RETREG1: variants seen among roughly 807,000 people sequenced by gnomAD.
The protein encoded by RETREG1 is reticulophagy regulator 1.
In RETREG1, 44 loss-of-function variants were observed where a neutral mutation model predicts 54.8. The observed-to-expected ratio is 0.80, with a 90% CI of 0.63 to 1.03. The LOEUF (loss-of-function observed/expected upper bound fraction) is 1.03. Among genes scored for constraint, RETREG1 ranks in the 50% least tolerant of loss-of-function variants. The pLI is 0.00. For missense variants in RETREG1, 554 were observed against 605.1 expected, an observed-to-expected ratio of 0.92 and a Z score of 0.89; for synonymous variants, 217 against 238.5, an observed-to-expected ratio of 0.91 and a Z score of 0.83.
chr5:16,509,014 C>T (rs1036216490), intron 3 of RETREG1: 38 of 1,003,766 alleles, frequency 3.8e-5, no homozygotes, highest in Admixed American at 5.8e-5. Context: ...CACCTAGGCC[C>T]GCCTGCCCTT....
chr5:16,508,818 C>A (rs1200215064), intron 3 of RETREG1: 1 of 1,442,554 alleles, frequency 6.9e-7, no homozygotes, highest in East Asian at 2.5e-5. Flanking sequence ...AAGCGCCTGC[C>A]TCCCTTGAAT....
rs1395114743 is a variant in RETREG1 at position 16,561,633 on chromosome 5, C to T, written c.458+4130G>A. On this transcript the variant is annotated intron_variant, in intron 3 of 8. Transcript: ENST00000306320. The surrounding 1 kb of genome is among the most constrained non-coding windows in gnomAD (Gnocchi z 4.2). ...GAAATAGCCTAAGTCTAACAAAAGC[C>T]CTAGAATAGGGAGCTTCTCACTCCG... Among the ~76,000 whole-genome samples, 2 of 152,146 alleles carry T rather than the reference C, an allele frequency of 1.3e-5. No individual in the cohort carries two copies. The highest frequency in any genetic ancestry group is 4.8e-5 in the African/African-American group (2 of 41,428).
intron 3 of RETREG1, among the ~76,000 whole-genome samples, chr5:16,541,037 C>A (rs920856376): frequency 7.9e-5 from 12 of 152,170 alleles, no homozygotes; most frequent in African/African-American, 2.9e-4. Context: ...CGCTGCACTG[C>A]CCCAGACCTT....
At chr5:16,499,591 T>G (rs1739617420) in intron 3 of RETREG1, among the ~76,000 whole-genome samples, 1 of 152,226 alleles carries the variant, frequency 6.6e-6, no homozygotes, top group African/African-American at 2.4e-5. Flanking sequence ...CGATGTCACT[T>G]CGAGTCAGAG....
intron 3 of RETREG1, among the ~76,000 whole-genome samples, chr5:16,486,543 A>G (rs1308123858): frequency 2.6e-5 from 4 of 152,256 alleles, no homozygotes; most frequent in African/African-American, 9.6e-5. Flanking sequence ...CTTATTTTAT[A>G]GGTGAGGAAC....
intron 3 of RETREG1, among the ~76,000 whole-genome samples, chr5:16,526,990 C>T (rs907935715): frequency 6.6e-6 from 1 of 152,234 alleles, no homozygotes; most frequent in African/African-American, 2.4e-5. Flanking sequence ...GTGCGAAAGA[C>T]TGGCCTCCTC....
At chr5:16,556,261 C>G (rs1741704594) in intron 3 of RETREG1, among the ~76,000 whole-genome samples, 1 of 151,946 alleles carries the variant, frequency 6.6e-6, no homozygotes, top group African/African-American at 2.4e-5. Context: ...CAGGTTCACG[C>G]CATTCTCCTG....
At chr5:16,592,457 G>A (rs532980061) in intron 1 of RETREG1, among the ~76,000 whole-genome samples, 2 of 152,190 alleles carry the variant, frequency 1.3e-5, no homozygotes, top group South Asian at 4.1e-4. Context: ...TGGTGGGAGT[G>A]TAAATTAGTT....
intron 3 of RETREG1, among the ~76,000 whole-genome samples, chr5:16,502,103 C>A (rs1199254048): frequency 1.3e-5 from 2 of 151,372 alleles, no homozygotes; most frequent in Admixed American, 6.6e-5. Context: ...ACTACAGGCG[C>A]CCGCCACCAC....
intron 1 of RETREG1, among the ~76,000 whole-genome samples, chr5:16,572,577 C>A (rs1742206139): frequency 6.6e-6 from 1 of 152,218 alleles, no homozygotes; most frequent in South Asian, 2.1e-4. Context: ...GCATCAAAGT[C>A]AGCAAAATGA....
At position 16,477,791 on chromosome 5, in the gene RETREG1, G is replaced by A. The variant is rs752798845; in HGVS notation, c.874-3C>T. On this transcript the variant is annotated splice_polypyrimidine_tract_variant and splice_region_variant and intron_variant, in intron 7 of 8. Coordinates refer to ENST00000306320, the MANE Select transcript of RETREG1 (RefSeq NM_001034850.3). ...TTGGCAGCAACCGTGAGGCTAATCTGTGTTAATATAAATAAATACCAGCGG... is the reference window on the plus strand; with the variant it reads ...TTGGCAGCAACCGTGAGGCTAATCTATGTTAATATAAATAAATACCAGCGG... 10 of 1,613,130 alleles carry A rather than the reference G, an allele frequency of 6.2e-6. No individual in the cohort carries two copies. The African/African-American group carries it at 9.4e-5, about 15-fold the overall frequency.
At chr5:16,570,367 G>A (rs866148878) in intron 2 of RETREG1, among the ~76,000 whole-genome samples, 15 of 152,282 alleles carry the variant, frequency 9.9e-5, no homozygotes, top group Middle Eastern at 6.8e-3. Context: ...GAGGGGCCAG[G>A]AGTGAGAAAA....
intron 1 of RETREG1, among the ~76,000 whole-genome samples, chr5:16,579,907 A>G (rs556692005): frequency 2.0e-5 from 3 of 152,356 alleles, no homozygotes; most frequent in Non-Finnish European, 4.4e-5. Context: ...TAAAGCTGCT[A>G]TAAACATCCA....
At chr5:16,526,760 A>G (rs531785241) in intron 3 of RETREG1, among the ~76,000 whole-genome samples, 1 of 152,342 alleles carries the variant, frequency 6.6e-6, no homozygotes, top group Admixed American at 6.5e-5. Flanking sequence ...TTCTAATTGA[A>G]TATTAGAAAG....
chr5:16,532,833 G>A (rs1461345475), intron 3 of RETREG1, among the ~76,000 whole-genome samples: 1 of 152,144 alleles, frequency 6.6e-6, no homozygotes, highest in Non-Finnish European at 1.5e-5. Flanking sequence ...TTTGAAGACA[G>A]ATAATTTAGA....
At chr5:16,497,647 T>C (rs75779193) in intron 3 of RETREG1, among the ~76,000 whole-genome samples, 2,415 of 152,258 alleles carry the variant, frequency 0.016, 61 homozygotes, top group African/African-American at 0.055. Flanking sequence ...TTTGAAAGTT[T>C]ATCTAAATAA....
At position 16,611,312 on chromosome 5, in the gene RETREG1, G is replaced by A. The variant is rs1201943881; in HGVS notation, c.320+5340C>T. ...GAGATACATCTAATGTAAATGATGA[G>A]TTAATGGGTGCAGCACACCAACATG... On this transcript the variant is annotated intron_variant, in intron 1 of 8. Coordinates refer to ENST00000306320, the MANE Select transcript of RETREG1 (RefSeq NM_001034850.3). 2.0e-5 allele frequency among the ~76,000 whole-genome samples: 3 copies of A among 152,162 alleles called. No individual in the cohort carries two copies. The East Asian group carries it at 5.8e-4, about 29-fold the overall frequency.
chr5:16,516,930 C>T (rs1461114379), intron 3 of RETREG1, among the ~76,000 whole-genome samples: 1 of 141,492 alleles, frequency 7.1e-6, no homozygotes, highest in Non-Finnish European at 1.5e-5. Context: ...GTGAAATCCC[C>T]ATCTCAAGAA....
At chr5:16,490,309 T>A (rs2126532103) in intron 3 of RETREG1, among the ~76,000 whole-genome samples, 1 of 152,274 alleles carries the variant, frequency 6.6e-6, no homozygotes, top group East Asian at 1.9e-4. Flanking sequence ...GTGGGAGCAA[T>A]GGAAAATTGT....
Sources: gnomAD v4.1 joint callset for allele counts (sites outside exome capture counted in the v4.1 genomes callset) on GRCh38, gnomAD v4.1.1 for gene constraint, Gnocchi (gnomAD v3.1) non-coding constraint, MANE v1.5 for transcripts, NCBI Gene and HGNC (gene_info 2026-07-23, HGNC 2026-07-21) for gene names.